TNR: variants seen among roughly 807,000 people sequenced by gnomAD.
The protein encoded by TNR is tenascin-R.
Under a neutral mutation model 150.4 loss-of-function variants are expected in TNR, and 45 were observed. The observed-to-expected ratio is 0.30, with a 90% CI of 0.24 to 0.38. The LOEUF (loss-of-function observed/expected upper bound fraction) is 0.38. Ranked by LOEUF, TNR falls within the 10% of genes least tolerant of loss-of-function variation. The pLI is 1.00. For missense variants in TNR, 1,544 were observed against 1,759.1 expected (o/e 0.88, Z 2.19); for synonymous variants, 687 against 678.4 (o/e 1.01, Z -0.20).
At chr1:175,330,020 G>GGGC in intron 21 of TNR, 54 bp downstream of exon 21, 2 of 1,422,686 alleles carry the variant, frequency 1.4e-6, no homozygotes, top group Admixed American at 4.5e-5. Context: ...TAGAATCTGG[G>GGGC]GGCTCTTGTC....
In TNR at chr1:175,359,645, C is replaced by T. The variant is rs1651498741; in HGVS notation, c.2941G>A (p.Glu981Lys). The T allele has an allele frequency of 2.5e-6, 4 of 1,613,752 alleles. No individual in the cohort carries two copies. Among genetic ancestry groups the T allele is most frequent in the African/African-American group, 1.3e-5 (1 of 74,906 alleles). Reference protein sequence around the residue: ...LQWKAPVGEVENYVIVLTHFA... With the variant: ...LQWKAPVGEVKNYVIVLTHFA... Reference sequence around the variant, plus strand: ...TGTGTAAGAACAATGACGTAGTTCTCCACCTCACCCACTGGTGCCTTCCAC... The same window carrying T: ...TGTGTAAGAACAATGACGTAGTTCTTCACCTCACCCACTGGTGCCTTCCAC... Residue 981 changes from glutamate (E) to lysine (K), a missense_variant, in exon 15 of 23, where the codon GAG becomes AAG. Physicochemically the swap from Glu to Lys is moderately conservative, Grantham distance 56 (BLOSUM62 1). Around this residue, in one of 2 missense-constraint regions of TNR, gnomAD observed 1,254 missense variants for 1,329.4 expected, o/e 0.94. Coordinates refer to ENST00000367674, the MANE Select transcript of TNR (RefSeq NM_003285.3).
intron 2 of TNR, among the ~76,000 whole-genome samples, chr1:175,430,657 C>G (rs1655222484): frequency 6.6e-6 from 1 of 152,166 alleles, no homozygotes; most frequent in African/African-American, 2.4e-5. Flanking sequence ...ATCCTGGTTC[C>G]ATGCTCCTTC....
At chr1:175,450,665 T>G (rs568241287) in intron 2 of TNR, among the ~76,000 whole-genome samples, 5 of 152,368 alleles carry the variant, frequency 3.3e-5, no homozygotes, top group African/African-American at 1.2e-4. Context: ...AAAGTTTAAG[T>G]GCTCAGCACA....
chr1:175,573,841 A>T (rs1284334347), intron 1 of TNR, among the ~76,000 whole-genome samples: 1 of 152,200 alleles, frequency 6.6e-6, no homozygotes, highest in Admixed American at 6.5e-5. Flanking sequence ...CAGCAATGCT[A>T]CTGGATGAGC....
intron 1 of TNR, among the ~76,000 whole-genome samples, chr1:175,550,542 G>C: frequency 6.7e-6 from 1 of 150,180 alleles, no homozygotes; most frequent in Non-Finnish European, 1.5e-5. Context: ...TTGGGAAGGA[G>C]ACTGGAACAA....
At chr1:175,677,053 T>C (rs1419715264) in intron 1 of TNR, among the ~76,000 whole-genome samples, 1 of 152,230 alleles carries the variant, frequency 6.6e-6, no homozygotes, top group African/African-American at 2.4e-5. Flanking sequence ...GTTAAGTGTA[T>C]GCAATCCCAG....
At position 175,396,857 on chromosome 1, in the gene TNR, C is replaced by T. The variant is rs200354816; in HGVS notation, c.977-50G>A. 3.5e-4 allele frequency: 543 copies of T among 1,573,728 alleles called. 3 individuals carry two copies. In the East Asian group the frequency reaches 0.012, roughly 35 times the overall value. On this transcript the variant is annotated intron_variant, in intron 4 of 22. Transcript: ENST00000367674. ...GCATGAGCTCAGAGGATTGCCTTCC[C>T]CATCCTGGACTCAACTTTCTTCCTC...
intron 14 of TNR, 48 bp downstream of exon 14, chr1:175,362,615 G>C (rs1651650742): frequency 6.3e-7 from 1 of 1,595,194 alleles, no homozygotes; most frequent in Non-Finnish European, 8.6e-7. Context: ...ACTTCACCCA[G>C]ATCTTCAGCC....
intron 2 of TNR, among the ~76,000 whole-genome samples, chr1:175,522,984 G>A (rs560196589): frequency 1.6e-4 from 25 of 152,320 alleles, no homozygotes; most frequent in African/African-American, 5.8e-4. Flanking sequence ...TAAGTACTTA[G>A]CTTAATCAAT....
At chr1:175,448,676 C>G (rs942022830) in intron 2 of TNR, among the ~76,000 whole-genome samples, 3 of 152,184 alleles carry the variant, frequency 2.0e-5, no homozygotes, top group African/African-American at 7.2e-5. Flanking sequence ...CTGGAGGAAG[C>G]CAACCAACCA....
chr1:175,396,723 T>C lies in TNR; in HGVS notation c.1061A>G (p.Glu354Gly). 6.2e-7 allele frequency: 1 copy of C among 1,614,186 alleles called. No homozygotes were observed. The highest frequency in any genetic ancestry group is 1.1e-5 in the South Asian group (1 of 91,082). The change falls in exon 5 of 23, where the codon GAA (glutamate) becomes GGA (glycine). Residue 354 changes from glutamate to glycine, a missense_variant. Physicochemically the swap from Glu to Gly is moderately conservative, Grantham distance 98 (BLOSUM62 -2). Around this residue, in one of 2 missense-constraint regions of TNR, gnomAD observed 1,254 missense variants for 1,329.4 expected, o/e 0.94. Coordinates refer to ENST00000367674, the MANE Select transcript of TNR (RefSeq NM_003285.3). ...LEWDGPMAVTEYVISYQPTAL... is the reference protein window; with the variant it reads ...LEWDGPMAVTGYVISYQPTAL... Reference sequence around the variant, plus strand: ...CGTCGGCTGGTAAGAGATCACATATTCCGTCACTGCCATCGGCCCGTCCCA... The same window carrying C: ...CGTCGGCTGGTAAGAGATCACATATCCCGTCACTGCCATCGGCCCGTCCCA...
At chr1:175,503,435 G>A (rs1243446031) in intron 2 of TNR, among the ~76,000 whole-genome samples, 1 of 152,152 alleles carries the variant, frequency 6.6e-6, no homozygotes, top group African/African-American at 2.4e-5. Context: ...ATATATGAGA[G>A]TACTTGGTAA....
chr1:175,493,581 A>G (rs1317149512), intron 2 of TNR, among the ~76,000 whole-genome samples: 4 of 152,262 alleles, frequency 2.6e-5, no homozygotes, highest in Non-Finnish European at 5.9e-5. Context: ...TTTCCACAGG[A>G]CAGCCTCTGC....
chr1:175,500,512 C>A (rs746387392), intron 2 of TNR, among the ~76,000 whole-genome samples: 34 of 152,156 alleles, frequency 2.2e-4, no homozygotes, highest in Non-Finnish European at 4.4e-4. Flanking sequence ...GCTGTGCGGG[C>A]AGGGAAAACC....
At chr1:175,559,513 C>T (rs561640292) in intron 1 of TNR, among the ~76,000 whole-genome samples, 3 of 152,286 alleles carry the variant, frequency 2.0e-5, no homozygotes, top group African/African-American at 4.8e-5. Context: ...ATAACCACTA[C>T]TCTGGATTTG....
At chr1:175,353,851 A>ATTTATTTTT (rs111708916) in intron 18 of TNR, among the ~76,000 whole-genome samples, 1 of 146,138 alleles carries the variant, frequency 6.8e-6, no homozygotes, top group African/African-American at 2.6e-5. Context: ...ATTTTTATTT[A>ATTTATTTTT]TTTTTTTTTT....
intron 1 of TNR, among the ~76,000 whole-genome samples, chr1:175,728,048 T>G (rs556300287): frequency 6.6e-6 from 1 of 152,348 alleles, no homozygotes; most frequent in East Asian, 1.9e-4. Flanking sequence ...TGGCAATGTA[T>G]AGTTGTTCAG....
At chr1:175,475,772 G>GA (rs35816300) in intron 2 of TNR, among the ~76,000 whole-genome samples, 27,225 of 149,936 alleles carry the variant, frequency 0.18, 3,215 homozygotes, top group East Asian at 0.55. Context: ...CCTGGATGAG[G>GA]AAAAAAAAAA....
intron 1 of TNR, among the ~76,000 whole-genome samples, chr1:175,655,240 A>G (rs112048039): frequency 3.9e-5 from 6 of 152,256 alleles, no homozygotes; most frequent in African/African-American, 1.4e-4. Context: ...AATAAAAAAT[A>G]CAATTCAGCC....
Sources: allele counts gnomAD v4.1 joint callset (sites outside exome capture counted in the v4.1 genomes callset), GRCh38; gene constraint gnomAD v4.1.1; regional missense constraint gnomAD v4.1.1; transcripts MANE v1.5; gene names NCBI Gene and HGNC (gene_info 2026-07-23, HGNC 2026-07-21).